Variants in CPED1 observed in about 807,000 individuals in gnomAD.
The protein encoded by CPED1 is cadherin-like and PC-esterase domain-containing protein 1.
In CPED1, 114 loss-of-function variants were observed where a neutral mutation model predicts 128.2. The observed-to-expected ratio is 0.89, with a 90% confidence interval of 0.76 to 1.04. CPED1 has a LOEUF of 1.04. Ranked by LOEUF, CPED1 falls within the 50% of genes least tolerant of loss-of-function variation. CPED1 has a pLI of 0.00. For missense variants in CPED1, 1,211 were observed against 1,207.1 expected (o/e 1.00, Z -0.05); for synonymous variants, 462 against 426.7 (o/e 1.08, Z -1.02).
intron 22 of CPED1, among the ~76,000 whole-genome samples, chr7:121,291,116 T>C (rs894190066): frequency 4.6e-5 from 7 of 152,192 alleles, no homozygotes; most frequent in Admixed American, 1.3e-4. Flanking sequence ...TGGTTGTAGA[T>C]GTGTGGTGTC....
intron 16 of CPED1, among the ~76,000 whole-genome samples, chr7:121,224,472 G>T (rs1172248608): frequency 6.6e-6 from 1 of 152,244 alleles, no homozygotes; most frequent in South Asian, 2.1e-4. Flanking sequence ...ATGTCTGTTA[G>T]TTCTGCTTGG....
chr7:121,064,146 C>A, intron 4 of CPED1, 92 bp from the exon 5 acceptor site: 1 of 820,208 alleles, frequency 1.2e-6, no homozygotes, highest in Non-Finnish European at 2.1e-6. Context: ...CAGTGCATCC[C>A]ATCTATACTC....
chr7:121,163,045 G>A (rs1796445838), intron 16 of CPED1, among the ~76,000 whole-genome samples: 1 of 152,132 alleles, frequency 6.6e-6, no homozygotes. Flanking sequence ...GGGAAACAAA[G>A]AACAAAGTCT....
At chr7:121,277,558 C>T (rs900769748) in intron 22 of CPED1, among the ~76,000 whole-genome samples, 5 of 152,088 alleles carry the variant, frequency 3.3e-5, no homozygotes, top group African/African-American at 9.7e-5. Context: ...ATTGCCTACA[C>T]GTCATCGACA....
At chr7:121,210,773 T>C (rs1797624997) in intron 16 of CPED1, among the ~76,000 whole-genome samples, 1 of 151,822 alleles carries the variant, frequency 6.6e-6, no homozygotes, top group African/African-American at 2.4e-5. Flanking sequence ...TCAACAATAA[T>C]CTATTATACA....
intron 16 of CPED1, among the ~76,000 whole-genome samples, chr7:121,151,806 G>A (rs1298614651): frequency 5.3e-5 from 8 of 152,110 alleles, no homozygotes; most frequent in Admixed American, 5.2e-4. Context: ...ATTGTTTTTT[G>A]TTCAAAGAAA....
chr7:121,141,160 TA>T (rs1230764829), intron 15 of CPED1, 147 bp downstream of exon 15: 1 of 554,778 alleles, frequency 1.8e-6, no homozygotes, highest in Non-Finnish European at 3.0e-6. Flanking sequence ...TCATTTTTTT[TA>T]AAAAAGATTT....
rs1165327207 is a variant in CPED1 at position 120,989,767 on chromosome 7, T to A, written c.146T>A (p.Val49Asp). 3 of 1,613,768 alleles carry A rather than the reference T, an allele frequency of 1.9e-6. No homozygotes were observed. The change falls in exon 2 of 23, where the codon GTC becomes GAC. Residue 49 changes from valine to aspartate, a missense_variant. Coordinates refer to ENST00000310396, the MANE Select transcript of CPED1 (RefSeq NM_024913.5). The part of the protein sequence containing the change: ...RKLTAAAPGA[V>D]PHTSTETQAS... ...CTCACAGCCGCTGCCCCTGGGGCTGTCCCACACACATCCACTGAAACCCAG... is the reference window on the plus strand; with the variant it reads ...CTCACAGCCGCTGCCCCTGGGGCTGACCCACACACATCCACTGAAACCCAG...
At position 121,140,971 on chromosome 7, in the gene CPED1, A is replaced by T; in HGVS notation, c.1844A>T (p.Lys615Met). The T allele has an allele frequency of 6.2e-7, 1 of 1,612,518 alleles. No individual in the cohort carries two copies. Among genetic ancestry groups the T allele is most frequent in the South Asian group, 1.1e-5 (1 of 91,000 alleles). ...GTGACAATTGGAGTGGAAACTCCTA[A>T]GTGTCTGTGCAAGGTGCACCTGTAC... is the stretch of plus-strand genomic sequence containing the variant. ...VTVTIGVETPKCLCKVHLYEQ... is the reference protein window; with the variant it reads ...VTVTIGVETPMCLCKVHLYEQ... The change falls in exon 15 of 23, where the codon AAG becomes ATG. Residue 615 changes from lysine (K) to methionine (M), a missense_variant. Transcript: ENST00000310396.
At chr7:121,290,586 T>G (rs1384131291) in intron 22 of CPED1, among the ~76,000 whole-genome samples, 1 of 152,250 alleles carries the variant, frequency 6.6e-6, no homozygotes, top group Non-Finnish European at 1.5e-5. Context: ...CATATGTTTA[T>G]TGGCCACATA....
chr7:121,036,644 G>T (rs1792901254), intron 3 of CPED1, among the ~76,000 whole-genome samples: 1 of 151,666 alleles, frequency 6.6e-6, no homozygotes, highest in African/African-American at 2.4e-5. Flanking sequence ...CTTTTCCATG[G>T]GTAGATACCT....
rs191109737 is a variant in CPED1 at position 121,215,561 on chromosome 7, A to G, written c.2056-21153A>G. ...TTGAAGTTATATATTTTTAACAAAGATAAACTTTGGTTGTTGATGTAGCAA... is the reference window on the plus strand; with the variant it reads ...TTGAAGTTATATATTTTTAACAAAGGTAAACTTTGGTTGTTGATGTAGCAA... On this transcript the variant is annotated intron_variant, in intron 16 of 22. Coordinates refer to ENST00000310396, the MANE Select transcript of CPED1 (RefSeq NM_024913.5). Among the ~76,000 whole-genome samples the G allele has an allele frequency of 1.5e-3, 227 of 152,252 alleles. 1 individual carries two copies. The highest frequency in any genetic ancestry group is 0.014 in the Middle Eastern group (4 of 294).
rs1168853609 is a variant in CPED1, at chr7:121,133,843, A to C, written c.1598A>C (p.Lys533Thr). The change falls in exon 13 of 23, where the codon AAG (lysine) becomes ACG (threonine). Residue 533 changes from lysine (K) to threonine (T), a missense_variant. Coordinates refer to ENST00000310396, the MANE Select transcript of CPED1 (RefSeq NM_024913.5). ...TGCAGGAATTCTTTCACAGAAGATA[A>C]GAACATTGAAAAACCACAAGTGCCA... ...PLEWNSFTED[K>T]NIEKPQVPFD... 1.9e-6 allele frequency: 3 copies of C among 1,603,228 alleles called. No homozygotes were observed. The East Asian group carries it at 6.7e-5, about 36-fold the overall frequency.
intron 16 of CPED1, among the ~76,000 whole-genome samples, chr7:121,144,120 A>G (rs1795967989): frequency 1.3e-5 from 2 of 152,084 alleles, no homozygotes; most frequent in Admixed American, 1.3e-4. Flanking sequence ...ACTGTGGAGA[A>G]CAGTATCGAG....
intron 16 of CPED1, among the ~76,000 whole-genome samples, chr7:121,176,159 AT>A (rs1796771905): frequency 6.6e-6 from 1 of 151,012 alleles, no homozygotes; most frequent in Admixed American, 6.6e-5. Flanking sequence ...GCTAAAAACA[AT>A]AGACAAACAA....
intron 16 of CPED1, among the ~76,000 whole-genome samples, chr7:121,215,282 C>G (rs1016127022): frequency 6.6e-6 from 1 of 152,038 alleles, no homozygotes; most frequent in Non-Finnish European, 1.5e-5. Flanking sequence ...TAATAAACAC[C>G]TCTAAGTCAG....
intron 16 of CPED1, chr7:121,195,128 C>T (rs956237173): frequency 6.6e-6 from 1 of 152,022 alleles, no homozygotes; most frequent in Non-Finnish European, 1.5e-5. Context: ...CTAAAGTCTC[C>T]TGTTTTATTT....
intron 9 of CPED1, 51 bp downstream of exon 9, chr7:121,125,943 AGT>A (rs756206500): frequency 1.8e-4 from 226 of 1,253,808 alleles, no homozygotes; most frequent in Non-Finnish European, 2.3e-4. Flanking sequence ...GTGAGAGATC[AGT>A]GTGTGTGTGT....
intron 16 of CPED1, among the ~76,000 whole-genome samples, chr7:121,204,792 A>T (rs1050200969): frequency 6.6e-6 from 1 of 152,158 alleles, no homozygotes; most frequent in Non-Finnish European, 1.5e-5. Flanking sequence ...CTAGACATGT[A>T]GTCATTTACA....
Sources: allele counts gnomAD v4.1 joint callset (sites outside exome capture counted in the v4.1 genomes callset), GRCh38; gene constraint gnomAD v4.1.1; transcripts MANE v1.5; gene names NCBI Gene and HGNC (gene_info 2026-07-23, HGNC 2026-07-21).